The following HLF variants were observed in gnomAD, a reference collection of about 807,000 sequenced individuals.
HLF encodes hepatic leukemia factor.
In HLF, 3 loss-of-function variants were observed where a neutral mutation model predicts 22.6. That is an observed-to-expected ratio of 0.13 (90% CI 0.06 to 0.34). HLF has a LOEUF of 0.34. Ranked by LOEUF, HLF falls within the 10% of genes least tolerant of loss-of-function variation. HLF has a pLI of 1.00. For synonymous variants in HLF, 151 were observed against 151.8 expected (o/e 0.99, Z 0.04); for missense variants, 299 against 389.2 (o/e 0.77, Z 1.95).
rs139983672 is a variant in HLF at position 55,322,940 on chromosome 17, C to T, written c.*2061C>T. On this transcript the variant is annotated 3_prime_UTR_variant, in exon 4 of 4. Transcript: ENST00000226067. ...AAAATGTCAAGAAATTCTGCTGTTA[C>T]GACAAAGAAACATTTTACGCTAGAT... 2.3e-3 allele frequency: 508 copies of T among 224,608 alleles called. 3 individuals are homozygous for T. Among genetic ancestry groups the T allele is most frequent in the African/African-American group, 0.01 (459 of 44,990 alleles). The allele number at this position is 224,608 out of a possible 1,614,324, so 13.9% of individuals were successfully genotyped here.
intron 2 of HLF, among the ~76,000 whole-genome samples, chr17:55,285,102 G>T (rs1406164883): frequency 6.6e-6 from 1 of 152,168 alleles, no homozygotes; most frequent in Non-Finnish European, 1.5e-5. Flanking sequence ...TCCCATGGCT[G>T]CCCTCGTTCA....
At chr17:55,315,617 T>C (rs1007186929) in intron 3 of HLF, among the ~76,000 whole-genome samples, 170 bp downstream of exon 3, 1 of 152,224 alleles carries the variant, frequency 6.6e-6, no homozygotes, top group African/African-American at 2.4e-5. Context: ...TCTCTGGGTA[T>C]TTTTTGAAAT....
rs780838322 is a variant in HLF at position 55,324,397 on chromosome 17, A to G, written c.*3518A>G. On this transcript the variant is annotated 3_prime_UTR_variant, in exon 4 of 4. Transcript: ENST00000226067. The stretch of plus-strand genomic sequence containing the variant: ...TCCCCACTGCCCCCAGTGTAAAACA[A>G]TAGACATTCTGTGAAATGCAAAGCT... 7 of 230,982 alleles carry G rather than the reference A, an allele frequency of 3.0e-5. No homozygotes were observed. The highest frequency in any genetic ancestry group is 6.1e-5 in the East Asian group (1 of 16,312). 14.3% of individuals were successfully genotyped at this position (230,982 alleles called of 1,614,324 possible).
intron 3 of HLF, among the ~76,000 whole-genome samples, chr17:55,318,175 G>C (rs1435027805): frequency 6.6e-6 from 1 of 152,114 alleles, no homozygotes; most frequent in East Asian, 1.9e-4. Context: ...AGGGAAAGGG[G>C]GCAGAGGATG....
At chr17:55,291,797 G>C (rs2145333037) in intron 2 of HLF, among the ~76,000 whole-genome samples, 1 of 152,280 alleles carries the variant, frequency 6.6e-6, no homozygotes, top group African/African-American at 2.4e-5. Flanking sequence ...CACTCTAGAA[G>C]CCGTTAAAAA....
Position 55,320,481 on chromosome 17 carries a change from G to A in HLF, c.673-183G>A, listed in dbSNP as rs1187392414. ...GATCGGTGGGTCCTTGCTCCAAGAA[G>A]GAAGTGTGGCTCATGGGCCACACTC... On this transcript the variant is annotated intron_variant, in intron 3 of 3. Coordinates refer to ENST00000226067, the MANE Select transcript of HLF (RefSeq NM_002126.5). The surrounding 1 kb of genome is among the most constrained non-coding windows in gnomAD (Gnocchi z 4.2). Among the ~76,000 whole-genome samples the A allele has an allele frequency of 1.3e-5, 2 of 152,152 alleles. No individual in the cohort carries two copies. The highest frequency in any genetic ancestry group is 2.9e-5 in the Non-Finnish European group (2 of 68,036).
chr17:55,317,566 T>C (rs925510827), intron 3 of HLF, among the ~76,000 whole-genome samples: 1 of 152,210 alleles, frequency 6.6e-6, no homozygotes, highest in African/African-American at 2.4e-5. Flanking sequence ...GGCAGGAACA[T>C]TGTCCTGCCA....
chr17:55,276,450 A>C (rs1447792261), intron 2 of HLF, among the ~76,000 whole-genome samples: 2 of 152,226 alleles, frequency 1.3e-5, no homozygotes, highest in Non-Finnish European at 2.9e-5. Flanking sequence ...TATAGCCAAT[A>C]AGAGCTGCCA....
At chr17:55,297,062 A>G (rs538017844) in intron 2 of HLF, among the ~76,000 whole-genome samples, 2 of 152,298 alleles carry the variant, frequency 1.3e-5, no homozygotes, top group Admixed American at 6.5e-5. Context: ...TTCAGATCCA[A>G]ATTGCAAGAT....
At chr17:55,267,326 C>G (rs1213005499) in intron 1 of HLF, among the ~76,000 whole-genome samples, 2 of 152,204 alleles carry the variant, frequency 1.3e-5, no homozygotes, top group Non-Finnish European at 2.9e-5. Context: ...TGAATGACCT[C>G]CTATTGCTGC....
chr17:55,288,609 A>C (rs2081028941), intron 2 of HLF, among the ~76,000 whole-genome samples: 1 of 152,004 alleles, frequency 6.6e-6, no homozygotes, highest in South Asian at 2.1e-4. Flanking sequence ...CCAAAAACAG[A>C]AAAAAATTAG....
intron 2 of HLF, among the ~76,000 whole-genome samples, chr17:55,308,452 T>C (rs977542566): frequency 2.6e-5 from 4 of 152,192 alleles, no homozygotes; most frequent in South Asian, 2.1e-4. Flanking sequence ...AATCTCCTTT[T>C]ACACATAAGG....
intron 3 of HLF, among the ~76,000 whole-genome samples, chr17:55,318,622 C>T (rs1318384412): frequency 1.1e-4 from 17 of 152,108 alleles, no homozygotes; most frequent in Admixed American, 1.0e-3. Context: ...GTTCCAGGGG[C>T]TTGTTCTTAT....
intron 2 of HLF, among the ~76,000 whole-genome samples, chr17:55,296,530 T>C (rs2081113205): frequency 6.6e-6 from 1 of 152,196 alleles, no homozygotes; most frequent in Non-Finnish European, 1.5e-5. Context: ...CAATACATAG[T>C]GTTATGCATC....
intron 3 of HLF, among the ~76,000 whole-genome samples, chr17:55,318,270 G>C (rs926644301): frequency 6.6e-6 from 1 of 152,148 alleles, no homozygotes; most frequent in African/African-American, 2.4e-5. Context: ...AGGCGAGCAG[G>C]CTTTTCTAGT....
In HLF at chr17:55,325,070, A is replaced by G; in HGVS notation, c.*4191A>G. 4.8e-6 allele frequency: 1 copy of G among 206,420 alleles called. No homozygotes were observed. Among genetic ancestry groups the G allele is most frequent in the Non-Finnish European group, 9.9e-6 (1 of 100,882 alleles). The allele number at this position is 206,420 out of a possible 1,614,324, so 12.8% of individuals were successfully genotyped here. ...AACTTTGAATTTTTTCCTTTCTTTC[A>G]TGTATTTTTATTAACAGTTGGCTAG... On this transcript the variant is annotated 3_prime_UTR_variant, in exon 4 of 4. Coordinates refer to ENST00000226067, the MANE Select transcript of HLF (RefSeq NM_002126.5).
intron 2 of HLF, among the ~76,000 whole-genome samples, chr17:55,297,137 TG>T (rs2081117860): frequency 6.6e-6 from 1 of 152,242 alleles, no homozygotes; most frequent in Admixed American, 6.5e-5. Context: ...TCTGTTAAAC[TG>T]GAGGTCTTTA....
rs1301769408 is a variant in HLF at position 55,322,571 on chromosome 17, C to T, written c.*1692C>T. On this transcript the variant is annotated 3_prime_UTR_variant, in exon 4 of 4. Transcript: ENST00000226067. The stretch of plus-strand genomic sequence containing the variant: ...TTAAAATTTTATGACAGTATCGAGG[C>T]TTGTGATGACGAATCCTGCTCTAAA... 1 of 216,682 alleles carries T rather than the reference C, an allele frequency of 4.6e-6. No individual in the cohort carries two copies. Among genetic ancestry groups the T allele is most frequent in the Non-Finnish European group, 9.3e-6 (1 of 107,320 alleles). 13.4% of individuals were successfully genotyped at this position (216,682 alleles called of 1,614,324 possible).
chr17:55,273,405 C>G (rs982686017), intron 2 of HLF: 2 of 152,314 alleles, frequency 1.3e-5, no homozygotes, highest in East Asian at 3.9e-4. Context: ...GATTCCCAAT[C>G]CCTGTTTTCT....
Sources: allele counts gnomAD v4.1 joint callset (sites outside exome capture counted in the v4.1 genomes callset), GRCh38; gene constraint gnomAD v4.1.1; non-coding constraint Gnocchi (gnomAD v3.1); transcripts MANE v1.5; gene names NCBI Gene and HGNC (gene_info 2026-07-23, HGNC 2026-07-21).